Variants in AADACL4 observed in about 807,000 individuals in gnomAD.
The protein encoded by AADACL4 is arylacetamide deacetylase-like 4.
Under a neutral mutation model 14.1 loss-of-function variants are expected in AADACL4, and 9 were observed. The observed-to-expected ratio is 0.64, with a 90% CI of 0.39 to 1.12. The LOEUF (loss-of-function observed/expected upper bound fraction) is 1.12. Ranked by LOEUF, AADACL4 falls within the 50% of genes most tolerant of loss-of-function variation. AADACL4 has a pLI of 0.01. For synonymous variants in AADACL4, 188 were observed against 201.6 expected (o/e 0.93, Z 0.57); for missense variants, 531 against 516.1 (o/e 1.03, Z -0.28).
Position 12,666,152 on chromosome 1 carries a change from G to A in AADACL4, c.641G>A (p.Arg214Gln), listed in dbSNP as rs775507000. Residue 214 changes from arginine to glutamine, a missense_variant, in exon 4 of 4, where the codon CGG becomes CAG. Transcript: ENST00000376221. ...TTGGTGGGCAGATCAGATCTTCCCC[G>A]GATCCGGGCTCAGGTTCTGATTTAT... ...QALVGRSDLP[R>Q]IRAQVLIYPV... 43 of 1,614,116 alleles carry A rather than the reference G, an allele frequency of 2.7e-5. 1 individual carries two copies. The highest frequency in any genetic ancestry group is 6.7e-5 in the African/African-American group (5 of 74,938).
intron 2 of AADACL4, among the ~76,000 whole-genome samples, chr1:12,660,840 C>A (rs1033690163): frequency 6.6e-6 from 1 of 152,160 alleles, no homozygotes; most frequent in African/African-American, 2.4e-5. Context: ...GACGGGGTTT[C>A]ACCATACTGG....
At position 12,666,573 on chromosome 1, in the gene AADACL4, G is replaced by T. The variant is rs753904827; in HGVS notation, c.1062G>T (p.Leu354Phe). Residue 354 changes from leucine (L) to phenylalanine (F), a missense_variant, in exon 4 of 4, where the codon TTG becomes TTT. Leu to Phe is a conservative substitution (Grantham distance 22). Transcript: ENST00000376221. ...CENDILRDDS[L>F]LYKKRLEDQG... ...ATGACATACTCCGTGATGACAGCTT[G>T]CTCTATAAGAAGCGCTTGGAGGACC... 1.2e-6 allele frequency: 2 copies of T among 1,614,212 alleles called. No individual in the cohort carries two copies. The highest frequency in any genetic ancestry group is 2.2e-5 in the South Asian group (2 of 91,086).
chr1:12,665,980 C>A lies in AADACL4; in HGVS notation c.469C>A (p.His157Asn), dbSNP rs1409773066. ...TTTTAGGTACCGCAAGCTTCCTGACCACCATTCCCCTGCCCTTTTCCAAGA... is the reference window on the plus strand; with the variant it reads ...TTTTAGGTACCGCAAGCTTCCTGACAACCATTCCCCTGCCCTTTTCCAAGA... ...LMIGYRKLPD[H>N]HSPALFQDCM... The change falls in exon 4 of 4, where the codon CAC (histidine) becomes AAC (asparagine). Residue 157 changes from histidine to asparagine, a missense_variant. Transcript: ENST00000376221. 6.2e-7 allele frequency: 1 copy of A among 1,607,910 alleles called. No individual in the cohort carries two copies. Among genetic ancestry groups the A allele is most frequent in the Non-Finnish European group, 8.5e-7 (1 of 1,175,538 alleles).
Position 12,666,112 on chromosome 1 carries a change from G to C in AADACL4, c.601G>C (p.Ala201Pro). 1 of 1,614,198 alleles carries C rather than the reference G, an allele frequency of 6.2e-7. No homozygotes were observed. Among genetic ancestry groups the C allele is most frequent in the Non-Finnish European group, 8.5e-7 (1 of 1,180,024 alleles). ...GESVGGAAVA[A>P]ITQALVGRSD... ...AAGCGTCGGAGGTGCAGCGGTGGCC[G>C]CCATCACCCAGGCCTTGGTGGGCAG... The change falls in exon 4 of 4, where the codon GCC becomes CCC. Residue 201 changes from alanine (A) to proline (P), a missense_variant. Physicochemically the swap from Ala to Pro is conservative, Grantham distance 27. Coordinates refer to ENST00000376221, the MANE Select transcript of AADACL4 (RefSeq NM_001013630.2).
intron 2 of AADACL4, among the ~76,000 whole-genome samples, chr1:12,656,621 T>C (rs1207488737): frequency 1.3e-5 from 2 of 152,086 alleles, no homozygotes; most frequent in South Asian, 2.1e-4. Flanking sequence ...GGAAGAAGCA[T>C]GAGAAGAGAA....
intron 2 of AADACL4, among the ~76,000 whole-genome samples, chr1:12,654,171 G>A (rs1020328398): frequency 2.6e-5 from 4 of 152,086 alleles, no homozygotes; most frequent in Admixed American, 1.3e-4. Context: ...GGGTAAATAC[G>A]GTATAAAGAT....
At chr1:12,659,077 G>T (rs1389745573) in intron 2 of AADACL4, among the ~76,000 whole-genome samples, 2 of 152,196 alleles carry the variant, frequency 1.3e-5, no homozygotes, top group Non-Finnish European at 2.9e-5. Flanking sequence ...ACCGACGCAT[G>T]GACACATACG....
chr1:12,644,665 C>T lies in AADACL4; in HGVS notation c.119C>T (p.Pro40Leu). ...TTDIPATLQH[P>L]AKLRFLHCIF... is the part of the protein sequence containing the mutation. ...GATATCCCTGCTACCTTGCAGCATC[C>T]TGCCAAGTTGAGATTCCTGCATTGC... The change falls in exon 1 of 4, where the codon CCT becomes CTT. Residue 40 changes from proline (P) to leucine (L), a missense_variant. Coordinates refer to ENST00000376221, the MANE Select transcript of AADACL4 (RefSeq NM_001013630.2). 1 of 1,614,182 alleles carries T rather than the reference C, an allele frequency of 6.2e-7. No homozygotes were observed. The highest frequency in any genetic ancestry group is 8.5e-7 in the Non-Finnish European group (1 of 1,180,018).
intron 3 of AADACL4, among the ~76,000 whole-genome samples, chr1:12,664,640 G>A (rs988756350): frequency 2.0e-5 from 3 of 152,156 alleles, no homozygotes; most frequent in South Asian, 2.1e-4. Flanking sequence ...GATTACAGGC[G>A]TAAGCCACCG....
At chr1:12,657,986 G>A (rs1647191869) in intron 2 of AADACL4, among the ~76,000 whole-genome samples, 1 of 151,706 alleles carries the variant, frequency 6.6e-6, no homozygotes, top group African/African-American at 2.4e-5. Context: ...GTCTTGTCTT[G>A]CCTTCTCTTC....
At chr1:12,655,497 G>C (rs1335622804) in intron 2 of AADACL4, among the ~76,000 whole-genome samples, 2 of 151,598 alleles carry the variant, frequency 1.3e-5, no homozygotes, top group East Asian at 3.9e-4. Context: ...TCTGCTTGTA[G>C]TGAGGGCAGG....
chr1:12,658,033 T>TTGCC (rs367959388), intron 2 of AADACL4, among the ~76,000 whole-genome samples: 2 of 147,632 alleles, frequency 1.4e-5, no homozygotes, highest in East Asian at 3.9e-4. Context: ...TTTCTCTTTC[T>TTGCC]TTCCTTCCTT....
chr1:12,644,756 T>C (rs1647099461), intron 1 of AADACL4, 42 bp downstream of exon 1: 2 of 1,590,652 alleles, frequency 1.3e-6, no homozygotes, highest in Non-Finnish European at 1.7e-6. Context: ...GGGGGCTTCT[T>C]CTCTTGTTCT....
At chr1:12,658,101 CTCTTTCTT>C (rs1283103773) in intron 2 of AADACL4, among the ~76,000 whole-genome samples, 1 of 106,880 alleles carries the variant, frequency 9.4e-6, no homozygotes, top group African/African-American at 4.3e-5. Flanking sequence ...CTTTCTTTCT[CTCTTTCTT>C]TCCTTCCTTC....
intron 2 of AADACL4, among the ~76,000 whole-genome samples, chr1:12,659,799 C>T (rs775562039): frequency 3.9e-4 from 59 of 150,410 alleles, no homozygotes; most frequent in Non-Finnish European, 7.4e-4. Flanking sequence ...TGCACCACCA[C>T]CCCTAGGTAA....
Position 12,666,922 on chromosome 1 carries a change from T to C in AADACL4, c.*187T>C, listed in dbSNP as rs1647354641. ...GAAAATCCAAACTGTGTCTGTTTCC[T>C]TCCAGCACTAACAATGTCCATTGCT... On this transcript the variant is annotated 3_prime_UTR_variant, in exon 4 of 4. Coordinates refer to ENST00000376221, the MANE Select transcript of AADACL4 (RefSeq NM_001013630.2). 2 of 574,588 alleles carry C rather than the reference T, an allele frequency of 3.5e-6. No individual in the cohort carries two copies. Among genetic ancestry groups the C allele is most frequent in the Admixed American group, 3.4e-5 (1 of 29,012 alleles). 35.6% of individuals were successfully genotyped at this position (574,588 alleles called of 1,614,324 possible).
chr1:12,654,643 AG>A (rs1193676128), intron 2 of AADACL4, among the ~76,000 whole-genome samples: 1 of 152,184 alleles, frequency 6.6e-6, no homozygotes, highest in East Asian at 1.9e-4. Context: ...GAAAAATTTT[AG>A]TTATAATAGC....
At position 12,651,306 on chromosome 1, in the gene AADACL4, T is replaced by C. The variant is rs1346673849; in HGVS notation, c.352T>C (p.Tyr118His). ...SSRPRRGIIF[Y>H]HGGATVFGSL... ...CAGACCCCGGCGAGGCATCATCTTC[T>C]ACCATGGAGGGGCCACAGTATTTGG... The change falls in exon 2 of 4, where the codon TAC (tyrosine) becomes CAC (histidine). Residue 118 changes from tyrosine to histidine, a missense_variant. Coordinates refer to ENST00000376221, the MANE Select transcript of AADACL4 (RefSeq NM_001013630.2). 1 of 1,614,218 alleles carries C rather than the reference T, an allele frequency of 6.2e-7. No homozygotes were observed. The highest frequency in any genetic ancestry group is 8.5e-7 in the Non-Finnish European group (1 of 1,180,042).
At chr1:12,665,504 C>A (rs1175256637) in intron 3 of AADACL4, among the ~76,000 whole-genome samples, 3 of 152,194 alleles carry the variant, frequency 2.0e-5, no homozygotes, top group African/African-American at 7.2e-5. Flanking sequence ...GGATTACAGG[C>A]ATGAGTCACC....
Sources: gnomAD v4.1 joint callset for allele counts (sites outside exome capture counted in the v4.1 genomes callset) on GRCh38, gnomAD v4.1.1 for gene constraint, MANE v1.5 for transcripts, NCBI Gene and HGNC (gene_info 2026-07-23, HGNC 2026-07-21) for gene names.